Variants in RAI14 observed in about 807,000 individuals in gnomAD.
RAI14 encodes ankycorbin.
In RAI14, 45 loss-of-function variants were observed where a neutral mutation model predicts 115.4. The ratio of observed to expected loss-of-function variants is 0.39; its 90% CI spans 0.31 to 0.50. RAI14 has a LOEUF of 0.50. Ranked by LOEUF, RAI14 falls within the 20% of genes least tolerant of loss-of-function variation. The pLI is 0.85. For synonymous variants in RAI14, 371 were observed against 415.4 expected, an observed-to-expected ratio of 0.89 and a Z score of 1.30; for missense variants, 939 against 1,131.2, an observed-to-expected ratio of 0.83 and a Z score of 2.44.
chr5:34,811,630 G>A (rs1755597307), intron 8 of RAI14, 137 bp from the exon 9 acceptor site: 8 of 679,348 alleles, frequency 1.2e-5, no homozygotes, highest in African/African-American at 1.9e-5. Context: ...ATTCCACTTC[G>A]AATTCCCTGA....
intron 2 of RAI14, among the ~76,000 whole-genome samples, chr5:34,733,581 C>G (rs958341047): frequency 6.6e-6 from 1 of 152,194 alleles, no homozygotes; most frequent in African/African-American, 2.4e-5. Context: ...TTAAATCTCT[C>G]TTTCACCTAG....
Position 34,807,867 on chromosome 5 carries a change from A to G in RAI14, c.379+10A>G, listed in dbSNP as rs748824453. ...GCTTTACATTATGCAGGTAACTTTCATTCTCCTATTTGTCTTCTTCTGCCA... is the reference window on the plus strand; with the variant it reads ...GCTTTACATTATGCAGGTAACTTTCGTTCTCCTATTTGTCTTCTTCTGCCA... On this transcript the variant is annotated intron_variant, in intron 6 of 17. Transcript: ENST00000265109. The G allele has an allele frequency of 6.2e-7, 1 of 1,604,288 alleles. No homozygotes were observed.
intron 2 of RAI14, among the ~76,000 whole-genome samples, chr5:34,738,157 G>C (rs1057225590): frequency 1.3e-5 from 2 of 152,090 alleles, no homozygotes; most frequent in Admixed American, 6.6e-5. Flanking sequence ...GACCACAGTG[G>C]CTCATGTCTG....
intron 3 of RAI14, among the ~76,000 whole-genome samples, chr5:34,787,967 G>T (rs770574252): frequency 8.9e-5 from 11 of 123,850 alleles, no homozygotes; most frequent in Non-Finnish European, 1.6e-4. Context: ...AGGCTAGAGT[G>T]CAGTGGTGGT....
intron 2 of RAI14, chr5:34,688,309 G>C (rs1274022955): frequency 6.9e-7 from 1 of 1,441,290 alleles, no homozygotes; most frequent in Non-Finnish European, 9.5e-7. Flanking sequence ...TTTGTGACCA[G>C]GTTAACAAAT....
In RAI14 at chr5:34,735,916, A is replaced by T. The variant is rs535511902; in HGVS notation, c.37-21552A>T. Among the ~76,000 whole-genome samples, 105 of 152,376 alleles carry T rather than the reference A, an allele frequency of 6.9e-4. 1 individual carries two copies. Among genetic ancestry groups the T allele is most frequent in the African/African-American group, 2.4e-3 (98 of 41,594 alleles). On this transcript the variant is annotated intron_variant, in intron 2 of 17. Coordinates refer to ENST00000265109, the MANE Select transcript of RAI14 (RefSeq NM_015577.3). Reference sequence around the variant, plus strand: ...GTGGTTTTCCTGTGGTACTCATAGGACCTCACAGAGTGCAGAATACGTGAT... The same window carrying T: ...GTGGTTTTCCTGTGGTACTCATAGGTCCTCACAGAGTGCAGAATACGTGAT...
At chr5:34,710,956 C>G (rs1741316279) in intron 2 of RAI14, among the ~76,000 whole-genome samples, 1 of 152,096 alleles carries the variant, frequency 6.6e-6, no homozygotes, top group South Asian at 2.1e-4. Flanking sequence ...GTTTCCTAGC[C>G]TTCTTTGAAC....
intron 3 of RAI14, among the ~76,000 whole-genome samples, chr5:34,773,060 C>T (rs1750377373): frequency 6.6e-6 from 1 of 152,122 alleles, no homozygotes; most frequent in African/African-American, 2.4e-5. Flanking sequence ...TGTAAAACAG[C>T]AGATTCCTTT....
chr5:34,720,031 T>G (rs1271998661), intron 2 of RAI14, among the ~76,000 whole-genome samples: 1 of 152,190 alleles, frequency 6.6e-6, no homozygotes, highest in Non-Finnish European at 1.5e-5. Context: ...AAAGTTGTAG[T>G]GTTTGGAAAG....
At chr5:34,777,230 T>G (rs1467159168) in intron 3 of RAI14, among the ~76,000 whole-genome samples, 1 of 152,110 alleles carries the variant, frequency 6.6e-6, no homozygotes, top group Non-Finnish European at 1.5e-5. Flanking sequence ...CTTGCATTAT[T>G]TACAATTCAC....
intron 2 of RAI14, among the ~76,000 whole-genome samples, chr5:34,734,748 G>A (rs966263268): frequency 2.6e-5 from 4 of 151,590 alleles, no homozygotes; most frequent in Non-Finnish European, 5.9e-5. Context: ...TGCAAGCTCC[G>A]CCTCCCAGGT....
intron 2 of RAI14, among the ~76,000 whole-genome samples, chr5:34,690,384 A>G (rs190642735): frequency 7.9e-5 from 12 of 152,366 alleles, no homozygotes; most frequent in Admixed American, 7.2e-4. Flanking sequence ...TCGCGCTTGC[A>G]TAAAGAAGAC....
chr5:34,818,787 G>A lies in RAI14; in HGVS notation c.940-10G>A. The A allele has an allele frequency of 6.2e-7, 1 of 1,601,980 alleles. No homozygotes were observed. The highest frequency in any genetic ancestry group is 1.7e-5 in the Admixed American group (1 of 58,422). ...GAAATGTTCTTTAAGTCATTTTTGT[G>A]TTTCAATAGGCTGAGATCAGTTCTA... On this transcript the variant is annotated splice_polypyrimidine_tract_variant and intron_variant, in intron 12 of 17. Transcript: ENST00000265109.
chr5:34,677,161 A>AT lies in RAI14; in HGVS notation c.-48-9690dup, dbSNP rs747450748. On this transcript the variant is annotated intron_variant, in intron 1 of 17. Transcript: ENST00000265109. ...TCTGGATGAAATCTATGACATTTCT[A>AT]TTTTTTTTTTTTTTTTTTTTTGAGA... Among the ~76,000 whole-genome samples, 156 of 83,130 alleles carry AT rather than the reference A, an allele frequency of 1.9e-3. 1 individual carries two copies. In the East Asian group the frequency reaches 0.027, roughly 15 times the overall value. 54.5% of individuals were successfully genotyped at this position (83,130 alleles called of 152,430 possible). A position where few individuals can be genotyped will look rare whatever the true frequency, so the allele number is the denominator to read the frequency against.
At chr5:34,816,753 C>T (rs1210605148) in intron 12 of RAI14, among the ~76,000 whole-genome samples, 1 of 151,928 alleles carries the variant, frequency 6.6e-6, no homozygotes, top group Non-Finnish European at 1.5e-5. Context: ...ATAAACTCTT[C>T]AGATGAATTT....
intron 12 of RAI14, 134 bp downstream of exon 12, chr5:34,814,803 C>A: frequency 1.5e-6 from 1 of 680,492 alleles, no homozygotes; most frequent in Non-Finnish European, 2.5e-6. Flanking sequence ...CCATGAAGTA[C>A]CCCTTGATTA....
intron 2 of RAI14, among the ~76,000 whole-genome samples, chr5:34,745,478 C>A (rs545390538): frequency 4.6e-5 from 7 of 152,316 alleles, no homozygotes; most frequent in South Asian, 2.1e-4. Context: ...ATGACCCATC[C>A]AACACCTTGC....
chr5:34,732,493 C>T (rs932465527), intron 2 of RAI14, among the ~76,000 whole-genome samples: 7 of 143,898 alleles, frequency 4.9e-5, no homozygotes, highest in African/African-American at 1.3e-4. Flanking sequence ...GGCTAGAGTA[C>T]AGTGGCGTGA....
At chr5:34,747,111 T>C (rs1353625117) in intron 2 of RAI14, among the ~76,000 whole-genome samples, 1 of 152,242 alleles carries the variant, frequency 6.6e-6, no homozygotes, top group East Asian at 1.9e-4. Flanking sequence ...ATCAGCAGCG[T>C]GAAAACCAAC....
Sources: allele counts gnomAD v4.1 joint callset (sites outside exome capture counted in the v4.1 genomes callset), GRCh38; gene constraint gnomAD v4.1.1; transcripts MANE v1.5; gene names NCBI Gene and HGNC (gene_info 2026-07-23, HGNC 2026-07-21).